Variants in ADGRV1 observed in about 807,000 individuals in gnomAD.
ADGRV1 encodes the protein G-protein coupled receptor 98.
In ADGRV1, 359 loss-of-function variants were observed where a neutral mutation model predicts 596.2. The ratio of observed to expected loss-of-function variants is 0.60; its 90% CI spans 0.55 to 0.66. The LOEUF (loss-of-function observed/expected upper bound fraction) is 0.66, where lower values mean the gene tolerates loss of function less well. Among genes scored for constraint, ADGRV1 ranks in the 30% least tolerant of loss-of-function variants. ADGRV1 has a pLI of 0.00. For synonymous variants in ADGRV1, 2,681 were observed against 2,679.2 expected (o/e 1.00, Z -0.02); for missense variants, 7,274 against 7,575.6 (o/e 0.96, Z 1.48).
chr5:91,132,903 G>T (rs1468770463), intron 87 of ADGRV1, among the ~76,000 whole-genome samples: 1 of 152,186 alleles, frequency 6.6e-6, no homozygotes, highest in Non-Finnish European at 1.5e-5. Flanking sequence ...GAAAAAGTGG[G>T]CAGAATTCAG....
In ADGRV1 at chr5:90,802,742, T is replaced by C. The variant is rs763840800; in HGVS notation, c.14521T>C (p.Phe4841Leu). The stretch of plus-strand genomic sequence containing the variant: ...CACTGACACTGTTTGTTTATAGGTC[T>C]TCCTATCACTGGGCTCTAATTTCAC... Reference protein sequence around the residue: ...VDVVPIKNQVFLSLGSNFTLQ... With the variant: ...VDVVPIKNQVLLSLGSNFTLQ... The change falls in exon 71 of 90, where the codon TTC (phenylalanine) becomes CTC (leucine). Residue 4841 changes from phenylalanine to leucine, a missense_variant. Around this residue, in one of 5 missense-constraint regions of ADGRV1, gnomAD observed 1,874 missense variants for 1,970.2 expected, o/e 0.95. Coordinates refer to ENST00000405460, the MANE Select transcript of ADGRV1 (RefSeq NM_032119.4). 14 of 1,610,772 alleles carry C rather than the reference T, an allele frequency of 8.7e-6. No homozygotes were observed. In the East Asian group the frequency reaches 2.9e-4, roughly 33 times the overall value.
chr5:90,834,343 A>T (rs937772896), intron 77 of ADGRV1, among the ~76,000 whole-genome samples: 1 of 152,044 alleles, frequency 6.6e-6, no homozygotes, highest in African/African-American at 2.4e-5. Flanking sequence ...TGTTGATAAA[A>T]TCTCTCAGCT....
intron 83 of ADGRV1, among the ~76,000 whole-genome samples, chr5:90,872,452 T>C: frequency 1.1e-5 from 1 of 93,750 alleles, no homozygotes; most frequent in African/African-American, 3.4e-5. Flanking sequence ...TGTGTGTGTG[T>C]GTGTGTGTGT....
intron 85 of ADGRV1, among the ~76,000 whole-genome samples, chr5:90,994,357 C>G (rs1471939370): frequency 2.0e-5 from 3 of 152,106 alleles, no homozygotes; most frequent in Non-Finnish European, 4.4e-5. Context: ...GCTGCCATGC[C>G]CGGCCTAGTT....
intron 88 of ADGRV1, 38 bp downstream of exon 88, chr5:91,150,259 CTCTG>C (rs1297380552): frequency 2.1e-6 from 3 of 1,397,542 alleles, no homozygotes; most frequent in Non-Finnish European, 2.9e-6. Flanking sequence ...GTCTCTCTGT[CTCTG>C]TCTCTCTCTC....
chr5:90,664,848 C>T (rs1223960142), intron 21 of ADGRV1, among the ~76,000 whole-genome samples: 3 of 148,410 alleles, frequency 2.0e-5, no homozygotes, highest in Admixed American at 6.8e-5. Flanking sequence ...TGTCAAAGGC[C>T]TTTTCTGTAT....
chr5:90,977,350 A>G (rs1779701750), intron 84 of ADGRV1, among the ~76,000 whole-genome samples: 1 of 152,250 alleles, frequency 6.6e-6, no homozygotes, highest in Admixed American at 6.5e-5. Context: ...AGACAGAATT[A>G]ATAGCATCTG....
intron 58 of ADGRV1, among the ~76,000 whole-genome samples, chr5:90,761,446 G>A (rs1756504145): frequency 6.6e-6 from 1 of 152,164 alleles, no homozygotes; most frequent in Non-Finnish European, 1.5e-5. Flanking sequence ...TAGATTACAA[G>A]TTCAGCATTT....
chr5:91,121,530 C>T (rs1024551034), intron 87 of ADGRV1, among the ~76,000 whole-genome samples: 1 of 152,116 alleles, frequency 6.6e-6, no homozygotes, highest in African/African-American at 2.4e-5. Flanking sequence ...TGTGTTTCTT[C>T]TTTATGGTGT....
Position 90,848,812 on chromosome 5 carries a change from C to G in ADGRV1, c.17195C>G (p.Pro5732Arg). Reference sequence around the variant, plus strand: ...CTGACTAATGTTACTTGCGGCTCTCCTGGTGAAAAGTAAGTATCTTTTAAT... The same window carrying G: ...CTGACTAATGTTACTTGCGGCTCTCGTGGTGAAAAGTAAGTATCTTTTAAT... Reference protein sequence around the residue: ...SLLTNVTCGSPGEKSKTILDS... With the variant: ...SLLTNVTCGSRGEKSKTILDS... The change falls in exon 79 of 90, where the codon CCT becomes CGT. Residue 5732 changes from proline to arginine, a missense_variant. Pro to Arg is a moderately radical substitution (Grantham distance 103, BLOSUM62 -2). Coordinates refer to ENST00000405460, the MANE Select transcript of ADGRV1 (RefSeq NM_032119.4). 6.3e-7 allele frequency: 1 copy of G among 1,580,024 alleles called. No individual in the cohort carries two copies. Among genetic ancestry groups the G allele is most frequent in the Non-Finnish European group, 8.6e-7 (1 of 1,168,068 alleles).
intron 87 of ADGRV1, among the ~76,000 whole-genome samples, chr5:91,127,561 T>C (rs941683881): frequency 2.1e-5 from 3 of 145,124 alleles, no homozygotes; most frequent in Admixed American, 1.4e-4. Flanking sequence ...AAAAAAAATC[T>C]TACTAGAGAT....
At chr5:91,135,779 A>T (rs1391160952) in intron 87 of ADGRV1, among the ~76,000 whole-genome samples, 2 of 152,120 alleles carry the variant, frequency 1.3e-5, no homozygotes, top group Non-Finnish European at 2.9e-5. Context: ...AGAGAAGTTG[A>T]TGGATGATGA....
At chr5:91,115,227 T>C (rs1045262518) in intron 87 of ADGRV1, among the ~76,000 whole-genome samples, 4 of 152,236 alleles carry the variant, frequency 2.6e-5, no homozygotes, top group Non-Finnish European at 4.4e-5. Flanking sequence ...CCAGTTTACA[T>C]AGTTGTACTC....
At chr5:91,129,725 TAAAA>T (rs1426959964) in intron 87 of ADGRV1, among the ~76,000 whole-genome samples, 1 of 152,072 alleles carries the variant, frequency 6.6e-6, no homozygotes. Flanking sequence ...TTTCAACTAT[TAAAA>T]AAAATCAAAT....
At chr5:91,071,718 G>A (rs1252668675) in intron 85 of ADGRV1, among the ~76,000 whole-genome samples, 1 of 151,456 alleles carries the variant, frequency 6.6e-6, no homozygotes, top group African/African-American at 2.4e-5. Flanking sequence ...TCTGTCACCT[G>A]GGCTGGAGTG....
At chr5:90,849,108 A>G (rs535686465) in intron 79 of ADGRV1, among the ~76,000 whole-genome samples, 1 of 152,082 alleles carries the variant, frequency 6.6e-6, no homozygotes, top group East Asian at 1.9e-4. Context: ...TGAAAGATAC[A>G]TTCTGAATAG....
Position 90,972,409 on chromosome 5 carries a change from G to A in ADGRV1, c.17973+6878G>A, listed in dbSNP as rs908267508. Among the ~76,000 whole-genome samples, 27 of 152,122 alleles carry A rather than the reference G, an allele frequency of 1.8e-4. 1 individual carries two copies. The highest frequency in any genetic ancestry group is 1.6e-3 in the Admixed American group (24 of 15,264). On this transcript the variant is annotated intron_variant, in intron 84 of 89. Transcript: ENST00000405460. ...ATCAACAGATTATACATTCTTCTCAGCACCACATCGCACTTATTCCAAAAT... is the reference window on the plus strand; with the variant it reads ...ATCAACAGATTATACATTCTTCTCAACACCACATCGCACTTATTCCAAAAT...
At chr5:91,028,388 G>A (rs2151215685) in intron 85 of ADGRV1, among the ~76,000 whole-genome samples, 1 of 152,210 alleles carries the variant, frequency 6.6e-6, no homozygotes, top group South Asian at 2.1e-4. Context: ...GTTCTTTCTT[G>A]ACTGATTGCT....
At chr5:90,688,238 G>A (rs1161151626) in intron 29 of ADGRV1, among the ~76,000 whole-genome samples, 1 of 152,076 alleles carries the variant, frequency 6.6e-6, no homozygotes, top group Non-Finnish European at 1.5e-5. Flanking sequence ...CAGAAATAAC[G>A]CCGCATATCT....
Sources: allele counts gnomAD v4.1 joint callset (sites outside exome capture counted in the v4.1 genomes callset), GRCh38; gene constraint gnomAD v4.1.1; regional missense constraint gnomAD v4.1.1; transcripts MANE v1.5; gene names NCBI Gene and HGNC (gene_info 2026-07-23, HGNC 2026-07-21).